The following PCDH9 variants were observed in gnomAD, a reference collection of about 807,000 sequenced individuals.
PCDH9 encodes protocadherin-9.
Under a neutral mutation model 70.6 loss-of-function variants are expected in PCDH9, and 24 were observed. That is an observed-to-expected ratio of 0.34 (90% CI 0.25 to 0.48). The LOEUF is 0.48. PCDH9 is among the 20% of genes least tolerant of loss of function. The probability of loss-of-function intolerance (pLI) is 0.99; values close to 1 mark genes in which losing one functional copy is unlikely to be tolerated. For synonymous variants in PCDH9, 562 were observed against 558.5 expected, an observed-to-expected ratio of 1.01 and a Z score of -0.09; for missense variants, 1,281 against 1,503.6, an observed-to-expected ratio of 0.85 and a Z score of 2.45.
chr13:67,033,446 C>T (rs368907684), intron 2 of PCDH9, among the ~76,000 whole-genome samples: 10 of 152,218 alleles, frequency 6.6e-5, no homozygotes, highest in African/African-American at 2.4e-4. Flanking sequence ...CTTTCTTTCC[C>T]CTTTTTTCTT....
At chr13:67,204,548 A>G (rs1270270261) in intron 2 of PCDH9, 1 of 152,134 alleles carries the variant, frequency 6.6e-6, no homozygotes, top group Non-Finnish European at 1.5e-5. Context: ...GTGCATGCTG[A>G]AAAGCTTCTG....
At chr13:66,992,121 G>C (rs758872678) in intron 2 of PCDH9, among the ~76,000 whole-genome samples, 1 of 152,062 alleles carries the variant, frequency 6.6e-6, no homozygotes, top group Admixed American at 6.6e-5. Flanking sequence ...TCTACATAAT[G>C]TTTTATGACT....
chr13:66,586,995 A>C (rs1203701447), intron 4 of PCDH9, among the ~76,000 whole-genome samples: 1 of 152,086 alleles, frequency 6.6e-6, no homozygotes, highest in Non-Finnish European at 1.5e-5. Flanking sequence ...AAATAAAATT[A>C]ATATATTATC....
chr13:66,383,459 A>C (rs1593890555), intron 4 of PCDH9, among the ~76,000 whole-genome samples: 1 of 152,214 alleles, frequency 6.6e-6, no homozygotes, highest in South Asian at 2.1e-4. Context: ...ATCAAAGTCA[A>C]CTTGCTAATT....
rs570589573 is a variant in PCDH9 at position 66,460,453 on chromosome 13, G to A, written c.3341-155425C>T. The stretch of plus-strand genomic sequence containing the variant: ...TGGTCACATTAGGAAATCTATAATT[G>A]TGAAGTGAAATGGTGGATATCCAGA... On this transcript the variant is annotated intron_variant, in intron 4 of 4. Coordinates refer to ENST00000377865, the MANE Select transcript of PCDH9 (RefSeq NM_203487.3). 3.3e-5 allele frequency among the ~76,000 whole-genome samples: 5 copies of A among 151,980 alleles called. No individual in the cohort carries two copies. The East Asian group carries it at 9.7e-4, about 29-fold the overall frequency.
chr13:66,313,299 A>G (rs1955595603), intron 4 of PCDH9, among the ~76,000 whole-genome samples: 1 of 152,132 alleles, frequency 6.6e-6, no homozygotes. Flanking sequence ...CATTTCTTGT[A>G]TTAGTATTTC....
intron 2 of PCDH9, among the ~76,000 whole-genome samples, chr13:66,950,210 A>T (rs1432029170): frequency 6.6e-6 from 1 of 152,116 alleles, no homozygotes; most frequent in Non-Finnish European, 1.5e-5. Context: ...AATCCAACAA[A>T]TTCCTCAGAA....
intron 2 of PCDH9, among the ~76,000 whole-genome samples, chr13:66,929,283 A>C (rs1023494637): frequency 3.1e-4 from 47 of 151,616 alleles, no homozygotes; most frequent in Middle Eastern, 3.4e-3. Context: ...CGGCCTTATA[A>C]CTTGTGACAT....
At chr13:67,202,008 A>T (rs1036088597) in intron 2 of PCDH9, 1 of 152,196 alleles carries the variant, frequency 6.6e-6, no homozygotes, top group African/African-American at 2.4e-5. Flanking sequence ...TATTTGGGGT[A>T]TGTAAAAATG....
intron 2 of PCDH9, among the ~76,000 whole-genome samples, chr13:66,946,943 A>G (rs1197127816): frequency 6.6e-6 from 1 of 152,194 alleles, no homozygotes; most frequent in African/African-American, 2.4e-5. Flanking sequence ...TTCCTTAACA[A>G]AAATGGGCTC....
At chr13:66,605,593 C>T (rs1435205948) in intron 4 of PCDH9, among the ~76,000 whole-genome samples, 1 of 152,164 alleles carries the variant, frequency 6.6e-6, no homozygotes, top group Non-Finnish European at 1.5e-5. Flanking sequence ...CTGTTCTGTT[C>T]AGCCTTCAGC....
intron 4 of PCDH9, among the ~76,000 whole-genome samples, chr13:66,404,877 T>C (rs1009563480): frequency 6.6e-6 from 1 of 152,210 alleles, no homozygotes; most frequent in African/African-American, 2.4e-5. Context: ...TAATGGGAAT[T>C]GTAGAAACAT....
chr13:66,521,089 C>T (rs1959967068), intron 4 of PCDH9, among the ~76,000 whole-genome samples: 1 of 152,100 alleles, frequency 6.6e-6, no homozygotes, highest in Non-Finnish European at 1.5e-5. Flanking sequence ...AACAGCCTCC[C>T]CTTCATTTGG....
chr13:66,913,579 G>A lies in PCDH9; in HGVS notation c.3037-9974C>T, dbSNP rs536042266. On this transcript the variant is annotated intron_variant, in intron 2 of 4. Transcript: ENST00000377865. Reference sequence around the variant, plus strand: ...TTTCACAGCCTTGGTGGCCTTCTCCGTACTGTGTAAGTTTAGACCAAAGGA... The same window carrying A: ...TTTCACAGCCTTGGTGGCCTTCTCCATACTGTGTAAGTTTAGACCAAAGGA... 1.7e-4 allele frequency among the ~76,000 whole-genome samples: 26 copies of A among 152,016 alleles called. No individual in the cohort carries two copies. In the South Asian group the frequency reaches 4.6e-3, roughly 27 times the overall value.
intron 3 of PCDH9, among the ~76,000 whole-genome samples, chr13:66,711,555 T>C (rs1371102292): frequency 6.6e-6 from 1 of 152,150 alleles, no homozygotes. Flanking sequence ...TCAGTCGTCT[T>C]TTCCTTTAAA....
chr13:66,869,951 C>T (rs533638313), intron 3 of PCDH9, among the ~76,000 whole-genome samples: 146 of 152,238 alleles, frequency 9.6e-4, no homozygotes, highest in African/African-American at 3.5e-3. Flanking sequence ...TCAATTTTGG[C>T]TTTTGTTGCC....
chr13:67,017,183 T>G (rs1323904), intron 2 of PCDH9, among the ~76,000 whole-genome samples: 6,964 of 152,314 alleles, frequency 0.046, 285 homozygotes, highest in African/African-American at 0.11. Context: ...TGATTTCATT[T>G]AGGGCAGAAG....
At chr13:66,775,751 C>G (rs768918747) in intron 3 of PCDH9, among the ~76,000 whole-genome samples, 3 of 152,162 alleles carry the variant, frequency 2.0e-5, no homozygotes, top group Non-Finnish European at 4.4e-5. Context: ...GGCTTCAGGT[C>G]AACAGTAGGC....
At chr13:66,893,247 T>C (rs1382724101) in intron 3 of PCDH9, among the ~76,000 whole-genome samples, 1 of 152,152 alleles carries the variant, frequency 6.6e-6, no homozygotes, top group Non-Finnish European at 1.5e-5. Context: ...GAAACATATA[T>C]CAATAAATTC....
Sources: allele counts gnomAD v4.1 joint callset (sites outside exome capture counted in the v4.1 genomes callset), GRCh38; gene constraint gnomAD v4.1.1; transcripts MANE v1.5; gene names NCBI Gene and HGNC (gene_info 2026-07-23, HGNC 2026-07-21).